CERS3: variants seen among roughly 807,000 people sequenced by gnomAD.
CERS3 encodes ceramide synthase 3, also known as LAG1 homolog, ceramide synthase 3.
In CERS3, 33 loss-of-function variants were observed where a neutral mutation model predicts 50.3. The observed-to-expected ratio is 0.66, with a 90% confidence interval of 0.50 to 0.88. The LOEUF (loss-of-function observed/expected upper bound fraction) is 0.88, where lower values mean the gene tolerates loss of function less well. CERS3 is among the 40% of genes least tolerant of loss of function. The pLI is 0.00. For synonymous variants in CERS3, 176 were observed against 155.2 expected, an observed-to-expected ratio of 1.13 and a Z score of -0.99; for missense variants, 470 against 460.3, an observed-to-expected ratio of 1.02 and a Z score of -0.19.
At chr15:100,437,051 C>T (rs1308633494) in intron 11 of CERS3, among the ~76,000 whole-genome samples, 1 of 150,648 alleles carries the variant, frequency 6.6e-6, no homozygotes, top group Non-Finnish European at 1.5e-5. Context: ...TCATGCCATT[C>T]TCCTGCCTTG....
At chr15:100,445,828 C>A (rs2033911596) in intron 11 of CERS3, among the ~76,000 whole-genome samples, 1 of 152,196 alleles carries the variant, frequency 6.6e-6, no homozygotes, top group South Asian at 2.1e-4. Context: ...CAGGCTAAGC[C>A]ATCATATCCC....
At chr15:100,445,447 C>G (rs1427304787) in intron 11 of CERS3, among the ~76,000 whole-genome samples, 2 of 152,252 alleles carry the variant, frequency 1.3e-5, no homozygotes, top group Non-Finnish European at 2.9e-5. Flanking sequence ...CTTTGGCACT[C>G]TCTAATTAGA....
At chr15:100,522,311 T>A (rs1050522436) in intron 1 of CERS3, among the ~76,000 whole-genome samples, 1 of 152,218 alleles carries the variant, frequency 6.6e-6, no homozygotes, top group African/African-American at 2.4e-5. Flanking sequence ...GGGAGAGATT[T>A]TTTGACCATG....
At chr15:100,527,888 T>TTACTC (rs1555536332) in intron 1 of CERS3, among the ~76,000 whole-genome samples, 1 of 151,660 alleles carries the variant, frequency 6.6e-6, no homozygotes, top group Non-Finnish European at 1.5e-5. Context: ...TTAAAGAACT[T>TTACTC]TTTATCCAGA....
chr15:100,544,184 C>CAA (rs1194553372), intron 1 of CERS3: 1 of 152,440 alleles, frequency 6.6e-6, no homozygotes, highest in East Asian at 1.9e-4. Flanking sequence ...TCTCAATTTG[C>CAA]AACGTAGAAA....
chr15:100,482,659 G>C (rs1382351276), intron 5 of CERS3, among the ~76,000 whole-genome samples: 3 of 151,978 alleles, frequency 2.0e-5, no homozygotes, highest in African/African-American at 7.3e-5. Context: ...CTGTGGAATA[G>C]AGCACAAGGG....
intron 2 of CERS3, chr15:100,503,774 A>G (rs1373598201): frequency 2.1e-6 from 1 of 470,016 alleles, no homozygotes. Flanking sequence ...GAGGACAATC[A>G]GCTCACAGCA....
At chr15:100,494,210 C>CATAT (rs1170051830) in intron 3 of CERS3, among the ~76,000 whole-genome samples, 46 of 78,094 alleles carry the variant, frequency 5.9e-4, no homozygotes, top group African/African-American at 8.4e-4. Flanking sequence ...TTTTTCTTTT[C>CATAT]ATATATATAT....
At chr15:100,517,787 AG>A (rs2036532947) in intron 2 of CERS3, among the ~76,000 whole-genome samples, 1 of 152,142 alleles carries the variant, frequency 6.6e-6, no homozygotes, top group Non-Finnish European at 1.5e-5. Flanking sequence ...TAGTTCTTGG[AG>A]GAGGGTGGGG....
chr15:100,400,724 G>A lies in CERS3; in HGVS notation c.*1989C>T, dbSNP rs905608637. On this transcript the variant is annotated 3_prime_UTR_variant, in exon 12 of 12. Coordinates refer to ENST00000679737, the MANE Select transcript of CERS3 (RefSeq NM_001378789.1). ...TAAGCAAGAAGATATTTGGTACAGAGACAAAAACCAAATAAGCAAAGAAGA... is the reference window on the plus strand; with the variant it reads ...TAAGCAAGAAGATATTTGGTACAGAAACAAAAACCAAATAAGCAAAGAAGA... 1 of 151,902 alleles carries A rather than the reference G, an allele frequency of 6.6e-6. No homozygotes were observed. Among genetic ancestry groups the A allele is most frequent in the Non-Finnish European group, 1.5e-5 (1 of 67,952 alleles). The allele number at this position is 151,902 out of a possible 1,614,324, so 9.4% of individuals were successfully genotyped here.
At chr15:100,459,716 A>G (rs1454170856) in intron 10 of CERS3, among the ~76,000 whole-genome samples, 1 of 152,172 alleles carries the variant, frequency 6.6e-6, no homozygotes, top group Non-Finnish European at 1.5e-5. Context: ...GAAAGACTAT[A>G]CCAATTTATA....
intron 1 of CERS3, among the ~76,000 whole-genome samples, chr15:100,536,927 C>T (rs77651284): frequency 0.017 from 2,554 of 152,304 alleles, 81 homozygotes; most frequent in African/African-American, 0.059. Flanking sequence ...AAACAAAATG[C>T]TTCTTATTCA....
At chr15:100,537,854 A>G (rs1394285221) in intron 1 of CERS3, among the ~76,000 whole-genome samples, 1 of 152,198 alleles carries the variant, frequency 6.6e-6, no homozygotes, top group Non-Finnish European at 1.5e-5. Flanking sequence ...CATTAACCCA[A>G]AAGTCCAAGT....
At position 100,493,518 on chromosome 15, in the gene CERS3, G is replaced by C. The variant is rs2035713032; in HGVS notation, c.174-2587C>G. ...GTTGATTATGACATATGTAGATGTA[G>C]TTCTCTTTAAATGTATCATACTGGG... is the stretch of plus-strand genomic sequence containing the variant. On this transcript the variant is annotated intron_variant, in intron 3 of 11. Transcript: ENST00000679737. 2.0e-5 allele frequency among the ~76,000 whole-genome samples: 3 copies of C among 152,144 alleles called. No individual in the cohort carries two copies. The South Asian group carries it at 6.2e-4, about 32-fold the overall frequency.
At chr15:100,533,621 A>G (rs1240999313), upstream of CERS3, among the ~76,000 whole-genome samples, 1 of 133,290 alleles carries the variant, frequency 7.5e-6, no homozygotes, top group Non-Finnish European at 1.5e-5. Context: ...GCAGTGGCGC[A>G]ATCTCAGCTC....
intron 11 of CERS3, among the ~76,000 whole-genome samples, chr15:100,417,850 A>G (rs1039554589): frequency 2.0e-5 from 3 of 151,872 alleles, no homozygotes; most frequent in Non-Finnish European, 4.4e-5. Flanking sequence ...GGGTATTCCA[A>G]CAGACCTGCA....
intron 2 of CERS3, among the ~76,000 whole-genome samples, chr15:100,519,015 T>G (rs1596803580): frequency 6.6e-6 from 1 of 152,010 alleles, no homozygotes; most frequent in Non-Finnish European, 1.5e-5. Flanking sequence ...CAAAATTAGC[T>G]GGGCGTGGTG....
chr15:100,423,690 A>G (rs2032614751), intron 11 of CERS3, among the ~76,000 whole-genome samples: 1 of 152,162 alleles, frequency 6.6e-6, no homozygotes, highest in Admixed American at 6.5e-5. Context: ...TTGTACACCA[A>G]ACCCCAGCAA....
chr15:100,436,087 A>G (rs1394339142), intron 11 of CERS3, among the ~76,000 whole-genome samples: 1 of 152,256 alleles, frequency 6.6e-6, no homozygotes, highest in Non-Finnish European at 1.5e-5. Flanking sequence ...ATCTAGAACC[A>G]GAAATACCAT....
Sources: allele counts gnomAD v4.1 joint callset (sites outside exome capture counted in the v4.1 genomes callset), GRCh38; gene constraint gnomAD v4.1.1; transcripts MANE v1.5; gene names NCBI Gene and HGNC (gene_info 2026-07-23, HGNC 2026-07-21).